Variants in MYPN observed in about 807,000 individuals in gnomAD.
The protein encoded by MYPN is sarcomeric protein myopalladin, 145 kDa (MYOP).
MYPN carries 63 observed loss-of-function variants against 129.4 expected under a neutral mutation model. The observed-to-expected ratio is 0.49, with a 90% confidence interval of 0.40 to 0.60. MYPN has a LOEUF of 0.60. Ranked by LOEUF, MYPN falls within the 20% of genes least tolerant of loss-of-function variation. MYPN has a pLI of 0.00. For synonymous variants in MYPN, 629 were observed against 600.9 expected, an observed-to-expected ratio of 1.05 and a Z score of -0.68; for missense variants, 1,596 against 1,635.4, an observed-to-expected ratio of 0.98 and a Z score of 0.42.
chr10:68,175,544 G>C, intron 12 of MYPN, 83 bp downstream of exon 12: 2 of 1,489,512 alleles, frequency 1.3e-6, no homozygotes, highest in Non-Finnish European at 1.9e-6. Flanking sequence ...CGGATACTCA[G>C]GTAACCTCAG....
chr10:68,207,158 T>C (rs1298446128), intron 19 of MYPN, among the ~76,000 whole-genome samples: 1 of 152,050 alleles, frequency 6.6e-6, no homozygotes, highest in African/African-American at 2.4e-5. Context: ...CTCGGGCAGC[T>C]GAGGCAGAAG....
In MYPN at chr10:68,197,456, G is replaced by A. The variant is rs71584501; in HGVS notation, c.3263G>A (p.Arg1088His). The A allele has an allele frequency of 8.7e-6, 14 of 1,613,674 alleles. No homozygotes were observed. The highest frequency in any genetic ancestry group is 1.6e-4 in the Middle Eastern group (1 of 6,080). Reference protein sequence around the residue: ...APGDMVAHEGRLCRLDCKVSG... With the variant: ...APGDMVAHEGHLCRLDCKVSG... The stretch of plus-strand genomic sequence containing the variant: ...GGGGATATGGTAGCTCATGAGGGGC[G>A]CCTCTGTCGGCTGGACTGTAAGGTA... Residue 1088 changes from arginine to histidine, a missense_variant, in exon 16 of 20, where the codon CGC becomes CAC. Physicochemically the swap from Arg to His is conservative, Grantham distance 29 (BLOSUM62 0). Coordinates refer to ENST00000358913, the MANE Select transcript of MYPN (RefSeq NM_032578.4).
chr10:68,202,179 T>A (rs1341725340), intron 18 of MYPN, among the ~76,000 whole-genome samples, 185 bp downstream of exon 18: 2 of 152,212 alleles, frequency 1.3e-5, no homozygotes, highest in Admixed American at 6.5e-5. Flanking sequence ...ATGCCTGTAA[T>A]CCCAGCACTT....
intron 1 of MYPN, among the ~76,000 whole-genome samples, chr10:68,118,424 A>T (rs1405808279): frequency 7.2e-5 from 11 of 152,216 alleles, no homozygotes; most frequent in Admixed American, 5.9e-4. Context: ...TTGTTACGAG[A>T]TGAAGCAGAA....
At chr10:68,197,800 C>A (rs1186112724) in intron 16 of MYPN, among the ~76,000 whole-genome samples, 1 of 152,008 alleles carries the variant, frequency 6.6e-6, no homozygotes, top group South Asian at 2.1e-4. Context: ...TTCCAAGCCC[C>A]ACAGTGAATG....
intron 15 of MYPN, 129 bp from the exon 16 acceptor site, chr10:68,197,223 A>G: frequency 1.1e-6 from 1 of 879,622 alleles, no homozygotes; most frequent in Admixed American, 2.4e-5. Context: ...TTTATAGTCC[A>G]GCCTCCCCTT....
chr10:68,140,506 G>GTT (rs1160944611), intron 2 of MYPN, among the ~76,000 whole-genome samples: 6 of 146,404 alleles, frequency 4.1e-5, no homozygotes, highest in African/African-American at 1.5e-4. Context: ...CATAGTATAG[G>GTT]TTTTTTTTTT....
At chr10:68,147,009 G>A (rs1377649076) in intron 4 of MYPN, among the ~76,000 whole-genome samples, 1 of 152,084 alleles carries the variant, frequency 6.6e-6, no homozygotes, top group African/African-American at 2.4e-5. Flanking sequence ...CATCCAGTCT[G>A]GTATTGAGTG....
At chr10:68,165,319 G>T (rs1452801629) in intron 8 of MYPN, among the ~76,000 whole-genome samples, 2 of 152,206 alleles carry the variant, frequency 1.3e-5, no homozygotes, top group Non-Finnish European at 2.9e-5. Flanking sequence ...GGGCTTGGTG[G>T]CACATGCCTG....
chr10:68,171,949 C>T (rs1054597656), intron 10 of MYPN, among the ~76,000 whole-genome samples: 1 of 152,232 alleles, frequency 6.6e-6, no homozygotes, highest in Non-Finnish European at 1.5e-5. Context: ...GTACTTGATA[C>T]AGTATCTCAA....
intron 12 of MYPN, among the ~76,000 whole-genome samples, chr10:68,188,316 G>A (rs2043453507): frequency 6.6e-6 from 1 of 151,746 alleles, no homozygotes; most frequent in Non-Finnish European, 1.5e-5. Flanking sequence ...TTCTGTGTTG[G>A]CCAGGCTGGT....
At chr10:68,197,670 A>G (rs1160195086) in intron 16 of MYPN, among the ~76,000 whole-genome samples, 192 bp downstream of exon 16, 1 of 151,810 alleles carries the variant, frequency 6.6e-6, no homozygotes, top group African/African-American at 2.4e-5. Context: ...ATTTTATGAA[A>G]TTTTTGAATC....
chr10:68,204,797 C>A (rs1222216592), intron 18 of MYPN, among the ~76,000 whole-genome samples: 2 of 151,278 alleles, frequency 1.3e-5, no homozygotes, highest in African/African-American at 2.4e-5. Flanking sequence ...TCATTAGTTT[C>A]CCATAATCTG....
chr10:68,206,016 C>T (rs77774146), intron 18 of MYPN, among the ~76,000 whole-genome samples: 2,419 of 152,214 alleles, frequency 0.016, 69 homozygotes, highest in African/African-American at 0.054. Flanking sequence ...CTCAGGAAGC[C>T]GTTGCTGTTG....
chr10:68,124,206 G>A (rs78250315), intron 2 of MYPN, among the ~76,000 whole-genome samples: 4 of 152,148 alleles, frequency 2.6e-5, no homozygotes, highest in African/African-American at 7.2e-5. Context: ...TGGAACCAGC[G>A]TTAGCCCCTA....
intron 2 of MYPN, among the ~76,000 whole-genome samples, chr10:68,139,312 T>C (rs533308478): frequency 6.6e-6 from 1 of 152,328 alleles, no homozygotes; most frequent in Non-Finnish European, 1.5e-5. Flanking sequence ...CTGCACAAAT[T>C]GGCTTCTTCT....
In MYPN at chr10:68,166,512, A is replaced by G; in HGVS notation, c.1819A>G (p.Lys607Glu). The change falls in exon 10 of 20, where the codon AAA becomes GAA. Residue 607 changes from lysine to glutamate, a missense_variant. Coordinates refer to ENST00000358913, the MANE Select transcript of MYPN (RefSeq NM_032578.4). ...GCACTTCAACCTGCCTGAAGATGACAAAGGAAGTGAAGCATCCTCCGAGGC... is the reference window on the plus strand; with the variant it reads ...GCACTTCAACCTGCCTGAAGATGACGAAGGAAGTGAAGCATCCTCCGAGGC... ...RVHFNLPEDD[K>E]GSEASSEAGV... 1.2e-6 allele frequency: 2 copies of G among 1,614,158 alleles called. No homozygotes were observed. Among genetic ancestry groups the G allele is most frequent in the East Asian group, 2.2e-5 (1 of 44,878 alleles).
intron 6 of MYPN, among the ~76,000 whole-genome samples, chr10:68,151,679 CA>C (rs2042773671): frequency 6.6e-6 from 1 of 152,150 alleles, no homozygotes; most frequent in South Asian, 2.1e-4. Context: ...GCAGCTAAAC[CA>C]CAAGATAGTT....
Position 68,174,096 on chromosome 10 carries a change from C to A in MYPN, c.2004C>A (p.Asn668Lys), listed in dbSNP as rs757109850. ...LDSTQLQQLH[N>K]QVLLEQHQLQ... ...CCACTCAGTTACAACAGCTTCATAA[C>A]CAAGTCTTACTGGAACAACACCAAT... is the stretch of plus-strand genomic sequence containing the variant. Residue 668 changes from asparagine (N) to lysine (K), a missense_variant, in exon 11 of 20, where the codon AAC (asparagine) becomes AAA (lysine). Asn to Lys is a moderately conservative substitution (Grantham distance 94). Transcript: ENST00000358913. 2 of 1,614,040 alleles carry A rather than the reference C, an allele frequency of 1.2e-6. No individual in the cohort carries two copies. The highest frequency in any genetic ancestry group is 2.2e-5 in the South Asian group (2 of 91,072).
Sources: allele counts gnomAD v4.1 joint callset (sites outside exome capture counted in the v4.1 genomes callset), GRCh38; gene constraint gnomAD v4.1.1; transcripts MANE v1.5; gene names NCBI Gene and HGNC (gene_info 2026-07-23, HGNC 2026-07-21).